The following NXPH1 variants were observed in gnomAD, a reference collection of about 807,000 sequenced individuals.
NXPH1 encodes neurexophilin-1.
NXPH1 carries 5 observed loss-of-function variants against 23.7 expected under a neutral mutation model. The observed-to-expected ratio is 0.21, with a 90% CI of 0.11 to 0.44. The LOEUF is 0.44. NXPH1 is among the 20% of genes least tolerant of loss of function. The probability of loss-of-function intolerance (pLI) is 0.99; values close to 1 mark genes in which losing one functional copy is unlikely to be tolerated. For missense variants in NXPH1, 324 were observed against 321.6 expected (o/e 1.01, Z -0.06); for synonymous variants, 144 against 122.2 (o/e 1.18, Z -1.18).
chr7:8,524,515 G>A (rs944699326), intron 2 of NXPH1, among the ~76,000 whole-genome samples: 1 of 152,096 alleles, frequency 6.6e-6, no homozygotes, highest in African/African-American at 2.4e-5. Context: ...AGCATGGATT[G>A]TTCCTCTCTC....
chr7:8,458,788 G>T (rs1056698858), intron 2 of NXPH1, among the ~76,000 whole-genome samples: 4 of 152,154 alleles, frequency 2.6e-5, no homozygotes, highest in African/African-American at 9.7e-5. Context: ...GAAAAGTAGG[G>T]TTTACCATAA....
At chr7:8,483,902 G>A (rs1584186354) in intron 2 of NXPH1, among the ~76,000 whole-genome samples, 1 of 150,352 alleles carries the variant, frequency 6.7e-6, no homozygotes, top group Non-Finnish European at 1.5e-5. Context: ...GAAATAACTG[G>A]AAATTTATGG....
At chr7:8,554,058 A>G (rs1273451239) in intron 2 of NXPH1, among the ~76,000 whole-genome samples, 3 of 151,702 alleles carry the variant, frequency 2.0e-5, no homozygotes, top group Admixed American at 1.3e-4. Flanking sequence ...ACTGTGCTGT[A>G]AGAGGTACAC....
At chr7:8,523,065 C>G (rs1234258247) in intron 2 of NXPH1, among the ~76,000 whole-genome samples, 1 of 152,198 alleles carries the variant, frequency 6.6e-6, no homozygotes, top group Non-Finnish European at 1.5e-5. Flanking sequence ...TGTGAGAATG[C>G]TAAGAGAGGA....
chr7:8,453,270 G>C (rs979109804), intron 2 of NXPH1, among the ~76,000 whole-genome samples: 1 of 152,080 alleles, frequency 6.6e-6, no homozygotes, highest in Non-Finnish European at 1.5e-5. Flanking sequence ...CAATTGACAT[G>C]CGATCTTGCC....
intron 2 of NXPH1, among the ~76,000 whole-genome samples, chr7:8,492,980 G>C (rs1439502622): frequency 6.6e-6 from 1 of 151,994 alleles, no homozygotes; most frequent in East Asian, 1.9e-4. Flanking sequence ...TAATCTATTA[G>C]AGTCAATGAG....
intron 2 of NXPH1, among the ~76,000 whole-genome samples, chr7:8,628,944 G>A (rs2115132727): frequency 6.6e-6 from 1 of 151,114 alleles, no homozygotes; most frequent in South Asian, 2.1e-4. Flanking sequence ...AGGCTAATGA[G>A]ATTGGTCAAG....
At chr7:8,722,005 G>A (rs192892534) in intron 2 of NXPH1, among the ~76,000 whole-genome samples, 45 of 152,240 alleles carry the variant, frequency 3.0e-4, no homozygotes, top group African/African-American at 1.1e-3. Flanking sequence ...AGTACTTCCT[G>A]TTGAGAGTTA....
chr7:8,454,410 C>T (rs1816556445), intron 2 of NXPH1, among the ~76,000 whole-genome samples: 1 of 152,092 alleles, frequency 6.6e-6, no homozygotes, highest in Non-Finnish European at 1.5e-5. Flanking sequence ...ACTACAAGGT[C>T]TGAGACAAAG....
Position 8,434,764 on chromosome 7 carries a change from C to T in NXPH1, c.-111+9C>T, listed in dbSNP as rs1206798019. ...GCCCCAAGTCCTGTGCGGTACGTAC[C>T]CTTTGCCTCCGCTGTTCCCGGAGGG... is the stretch of plus-strand genomic sequence containing the variant. On this transcript the variant is annotated intron_variant, in intron 1 of 2. Transcript: ENST00000405863. The surrounding 1 kb of genome is among the most constrained non-coding windows in gnomAD (Gnocchi z 7.6). The T allele has an allele frequency of 2.0e-5, 3 of 152,660 alleles. No individual in the cohort carries two copies. The highest frequency in any genetic ancestry group is 4.4e-5 in the Non-Finnish European group (3 of 68,138). The allele number at this position is 152,660 out of a possible 1,614,324, so 9.5% of individuals were successfully genotyped here. A position where few individuals can be genotyped will look rare whatever the true frequency, so the allele number is the denominator to read the frequency against.
intron 2 of NXPH1, among the ~76,000 whole-genome samples, chr7:8,708,589 T>C (rs972908128): frequency 6.6e-6 from 1 of 152,098 alleles, no homozygotes; most frequent in Non-Finnish European, 1.5e-5. Flanking sequence ...CTGTAACTCC[T>C]GATCTCAGGT....
At chr7:8,473,891 CTT>C (rs1195551184) in intron 2 of NXPH1, among the ~76,000 whole-genome samples, 1 of 152,068 alleles carries the variant, frequency 6.6e-6, no homozygotes, top group Non-Finnish European at 1.5e-5. Context: ...TGTCATTTCT[CTT>C]TTATAGGCTA....
intron 2 of NXPH1, among the ~76,000 whole-genome samples, chr7:8,475,934 C>A (rs1816963163): frequency 6.6e-6 from 1 of 152,264 alleles, no homozygotes; most frequent in Non-Finnish European, 1.5e-5. Context: ...GCCACCCCTG[C>A]ACAACCTCTC....
chr7:8,536,206 T>C (rs1309173706), intron 2 of NXPH1, among the ~76,000 whole-genome samples: 4 of 152,064 alleles, frequency 2.6e-5, no homozygotes, highest in Admixed American at 6.6e-5. Context: ...TAAGAAAATA[T>C]GAGTTTATCT....
chr7:8,466,859 G>A (rs943051678), intron 2 of NXPH1, among the ~76,000 whole-genome samples: 1 of 151,732 alleles, frequency 6.6e-6, no homozygotes, highest in Admixed American at 6.6e-5. Context: ...GTATAGGATA[G>A]TGGTAATGAG....
At position 8,626,354 on chromosome 7, in the gene NXPH1, A is replaced by G. The variant is rs533942965; in HGVS notation, c.55-124654A>G. ...TCATGGACTATAATTCTGATGTGTC[A>G]GTGGGATATACTCATTGTCATGCAG... On this transcript the variant is annotated intron_variant, in intron 2 of 2. Coordinates refer to ENST00000405863, the MANE Select transcript of NXPH1 (RefSeq NM_152745.3). Among the ~76,000 whole-genome samples, 8 of 151,372 alleles carry G rather than the reference A, an allele frequency of 5.3e-5. No individual in the cohort carries two copies. In the East Asian group the frequency reaches 1.2e-3, roughly 22 times the overall value.
At position 8,751,506 on chromosome 7, in the gene NXPH1, G is replaced by A. The variant is rs774465652; in HGVS notation, c.553G>A (p.Asp185Asn). Residue 185 changes from aspartate (D) to asparagine (N), a missense_variant, in exon 3 of 3, where the codon GAT (aspartate) becomes AAT (asparagine). Asp to Asn is a conservative substitution (Grantham distance 23). Transcript: ENST00000405863. The surrounding 1 kb of genome is among the most constrained non-coding windows in gnomAD (Gnocchi z 4.5). ...EFDLAQQTVIDAKDSKSFNCR... is the reference protein window; with the variant it reads ...EFDLAQQTVINAKDSKSFNCR... ...TGACTTGGCACAACAAACCGTGATT[G>A]ATGCCAAAGATTCCAAGTCTTTTAA... 72 of 1,613,554 alleles carry A rather than the reference G, an allele frequency of 4.5e-5. No individual in the cohort carries two copies. The highest frequency in any genetic ancestry group is 5.8e-5 in the Non-Finnish European group (68 of 1,179,802).
At chr7:8,495,187 A>G (rs1275447779) in intron 2 of NXPH1, among the ~76,000 whole-genome samples, 2 of 151,896 alleles carry the variant, frequency 1.3e-5, no homozygotes, top group Admixed American at 1.3e-4. Context: ...GCAGGTTGGT[A>G]GCCTGCCTAC....
chr7:8,549,164 C>G (rs1192040523), intron 2 of NXPH1, among the ~76,000 whole-genome samples: 5 of 151,444 alleles, frequency 3.3e-5, no homozygotes, highest in Non-Finnish European at 5.9e-5. Context: ...CCTAATGAAC[C>G]AAGAACCCAG....
Sources: gnomAD v4.1 joint callset for allele counts (sites outside exome capture counted in the v4.1 genomes callset) on GRCh38, gnomAD v4.1.1 for gene constraint, Gnocchi (gnomAD v3.1) non-coding constraint, MANE v1.5 for transcripts, NCBI Gene and HGNC (gene_info 2026-07-23, HGNC 2026-07-21) for gene names.